Variants in FANK1 observed in about 807,000 individuals in gnomAD.
FANK1 encodes the protein fibronectin type III and ankyrin repeat domains 1.
FANK1 carries 44 observed loss-of-function variants against 45.3 expected under a neutral mutation model. That is an observed-to-expected ratio of 0.97 (90% confidence interval 0.76 to 1.25). The LOEUF (loss-of-function observed/expected upper bound fraction) is 1.25, where lower values mean the gene tolerates loss of function less well. Ranked by LOEUF, FANK1 falls within the 50% of genes most tolerant of loss-of-function variation. The pLI, the probability that FANK1 is intolerant of heterozygous loss-of-function variation, is 0.00. For missense variants in FANK1, 391 were observed against 424.4 expected (o/e 0.92, Z 0.69); for synonymous variants, 149 against 152.5 (o/e 0.98, Z 0.17).
chr10:125,914,292 T>TATATATATATATATATATATATATATATA (rs58995936), intron 1 of FANK1, among the ~76,000 whole-genome samples: 20 of 150,762 alleles, frequency 1.3e-4, no homozygotes, highest in African/African-American at 3.4e-4. Flanking sequence ...TATATATATA[T>TATATATATATATATATATATATATATATA]TTAAAAAGTC....
chr10:125,980,091 A>T, intron 1 of FANK1, 70 bp from the exon 2 acceptor site: 1 of 1,500,628 alleles, frequency 6.7e-7, no homozygotes, highest in Non-Finnish European at 9.0e-7. Context: ...AAGCAGCTGT[A>T]ATCCACTCGA....
rs115650766 is a variant in FANK1 at position 125,989,335 on chromosome 10, C to T, written c.316+660C>T. On this transcript the variant is annotated intron_variant, in intron 3 of 10. Transcript: ENST00000368693. ...TTAGGATGGTCACAAGTGTTCTCCA[C>T]GGCCCACCCACTGAAAACACAGGCA... 4.4e-3 allele frequency: 6,852 copies of T among 1,551,124 alleles called. 181 individuals carry two copies. The African/African-American group carries it at 0.065, about 15-fold the overall frequency.
At chr10:125,914,852 C>T (rs1234993312) in intron 1 of FANK1, among the ~76,000 whole-genome samples, 2 of 151,940 alleles carry the variant, frequency 1.3e-5, no homozygotes, top group Non-Finnish European at 2.9e-5. Flanking sequence ...TCTGAACTCC[C>T]GGGTTGACTT....
chr10:125,933,286 T>C (rs1947869881), intron 1 of FANK1, among the ~76,000 whole-genome samples: 1 of 152,182 alleles, frequency 6.6e-6, no homozygotes, highest in African/African-American at 2.4e-5. Context: ...GTTGGTAATT[T>C]TTAAATTACC....
intron 2 of FANK1, among the ~76,000 whole-genome samples, chr10:125,985,558 C>T (rs570238838): frequency 5.9e-5 from 9 of 152,178 alleles, no homozygotes; most frequent in Middle Eastern, 3.4e-3. Flanking sequence ...GTTTCTTGAT[C>T]GAAAAGTTTC....
intron 1 of FANK1, among the ~76,000 whole-genome samples, chr10:125,953,777 C>T (rs1356558660): frequency 1.3e-5 from 2 of 152,160 alleles, no homozygotes; most frequent in Admixed American, 1.3e-4. Flanking sequence ...CAGGTCCTGG[C>T]CCTGCCCCTC....
At chr10:125,978,608 G>A (rs749604150) in intron 1 of FANK1, among the ~76,000 whole-genome samples, 2 of 152,166 alleles carry the variant, frequency 1.3e-5, no homozygotes, top group South Asian at 2.1e-4. Context: ...GCCACGTTTC[G>A]GTAGAGCAGC....
intron 1 of FANK1, among the ~76,000 whole-genome samples, chr10:125,954,770 A>G (rs985447449): frequency 6.6e-5 from 10 of 152,108 alleles, no homozygotes; most frequent in African/African-American, 2.2e-4. Context: ...AAATATAAAA[A>G]TTAGCCGGGC....
chr10:125,997,598 C>G lies in FANK1; in HGVS notation c.539+113C>G, dbSNP rs1952439856. 5.3e-6 allele frequency: 5 copies of G among 951,864 alleles called. No individual in the cohort carries two copies. The South Asian group carries it at 6.8e-5, about 13-fold the overall frequency. The allele number at this position is 951,864 out of a possible 1,614,324, so 59.0% of individuals were successfully genotyped here. On this transcript the variant is annotated intron_variant, in intron 6 of 10. Coordinates refer to ENST00000368693, the MANE Select transcript of FANK1 (RefSeq NM_145235.5). The stretch of plus-strand genomic sequence containing the variant: ...AAACATTGTCTTGAGTTTGACAGTC[C>G]TGAGAGGTGAGTGGGTCGCTGAGGA...
intron 1 of FANK1, among the ~76,000 whole-genome samples, chr10:125,945,756 A>C (rs1948748836): frequency 6.6e-6 from 1 of 152,202 alleles, no homozygotes; most frequent in Non-Finnish European, 1.5e-5. Flanking sequence ...ACCACAACTC[A>C]AGGAGGCCTG....
At chr10:125,930,113 G>A (rs1947648854) in intron 1 of FANK1, among the ~76,000 whole-genome samples, 1 of 152,104 alleles carries the variant, frequency 6.6e-6, no homozygotes, top group Admixed American at 6.5e-5. Flanking sequence ...GGAGTGCAGT[G>A]GCATGATCCT....
intron 1 of FANK1, among the ~76,000 whole-genome samples, chr10:125,920,244 T>G (rs1589857735): frequency 6.6e-6 from 1 of 152,250 alleles, no homozygotes; most frequent in East Asian, 1.9e-4. Flanking sequence ...CATGTTGCTT[T>G]TATTTTTTTT....
At chr10:125,906,535 A>AAAAAAAAAAAAAAAAAAC in intron 1 of FANK1, among the ~76,000 whole-genome samples, 1 of 141,888 alleles carries the variant, frequency 7.0e-6, no homozygotes, top group African/African-American at 2.6e-5. Context: ...AAAAAAAAAA[A>AAAAAAAAAAAAAAAAAAC]AAAAAAAAAT....
intron 1 of FANK1, among the ~76,000 whole-genome samples, chr10:125,938,911 A>G (rs563122646): frequency 1.7e-4 from 26 of 152,190 alleles, no homozygotes; most frequent in Non-Finnish European, 3.5e-4. Flanking sequence ...TTGAGCATCA[A>G]AAAGAATAAT....
intron 2 of FANK1, chr10:125,980,540 G>C (rs921395634): frequency 7.7e-6 from 4 of 519,138 alleles, no homozygotes; most frequent in Non-Finnish European, 1.3e-5. Flanking sequence ...GTACCTTTGA[G>C]AGCTTCTTTG....
At chr10:125,908,189 T>G (rs1386978366) in intron 1 of FANK1, among the ~76,000 whole-genome samples, 10 of 151,982 alleles carry the variant, frequency 6.6e-5, no homozygotes, top group Non-Finnish European at 1.5e-4. Flanking sequence ...AGAGATAAGG[T>G]TTCTGCATGT....
chr10:125,910,488 A>G (rs1245927789), intron 1 of FANK1, among the ~76,000 whole-genome samples: 1 of 152,206 alleles, frequency 6.6e-6, no homozygotes, highest in Non-Finnish European at 1.5e-5. Context: ...CTGGTATATC[A>G]TTCCAGAGAT....
At chr10:125,945,070 G>A (rs112667240) in intron 1 of FANK1, among the ~76,000 whole-genome samples, 2,979 of 152,236 alleles carry the variant, frequency 0.02, 97 homozygotes, top group African/African-American at 0.068. Flanking sequence ...GCAAGACAAC[G>A]GTAAAGTGCA....
intron 1 of FANK1, among the ~76,000 whole-genome samples, chr10:125,942,390 AATTT>A (rs1260191754): frequency 3.3e-5 from 5 of 152,240 alleles, no homozygotes; most frequent in Non-Finnish European, 5.9e-5. Context: ...TTAAAAGAAC[AATTT>A]ATTCTTATAA....
Sources: allele counts gnomAD v4.1 joint callset (sites outside exome capture counted in the v4.1 genomes callset), GRCh38; gene constraint gnomAD v4.1.1; transcripts MANE v1.5; gene names NCBI Gene and HGNC (gene_info 2026-07-23, HGNC 2026-07-21).